Variants in DOCK9 observed in about 807,000 individuals in gnomAD.
DOCK9 encodes dedicator of cytokinesis 9, also known as dedicator of cytokinesis protein 9.
Under a neutral mutation model 263.3 loss-of-function variants are expected in DOCK9, and 89 were observed. The ratio of observed to expected loss-of-function variants is 0.34; its 90% CI spans 0.28 to 0.40. The LOEUF is 0.40. Ranked by LOEUF, DOCK9 falls within the 10% of genes least tolerant of loss-of-function variation. The pLI, the probability that DOCK9 is intolerant of heterozygous loss-of-function variation, is 1.00. For missense variants in DOCK9, 2,140 were observed against 2,603.4 expected (o/e 0.82, Z 3.87); for synonymous variants, 976 against 973.1 (o/e 1.00, Z -0.06).
At chr13:98,870,498 G>C (rs1468033398) in intron 27 of DOCK9, among the ~76,000 whole-genome samples, 1 of 152,102 alleles carries the variant, frequency 6.6e-6, no homozygotes. Flanking sequence ...ACCCAAGCTG[G>C]CCACTCCTGA....
intron 1 of DOCK9, among the ~76,000 whole-genome samples, chr13:99,045,180 C>G (rs1018712465): frequency 6.6e-6 from 1 of 152,186 alleles, no homozygotes; most frequent in Non-Finnish European, 1.5e-5. Context: ...AAAATGAAAT[C>G]GCTGTGTCAA....
intron 1 of DOCK9, among the ~76,000 whole-genome samples, chr13:98,960,762 A>G (rs541717859): frequency 1.3e-5 from 2 of 152,308 alleles, no homozygotes; most frequent in African/African-American, 4.8e-5. Context: ...AGGAGCAGGG[A>G]CCAACTACCT....
intron 18 of DOCK9, among the ~76,000 whole-genome samples, chr13:98,887,143 A>ATATATATATATATATATTT (rs1470080750): frequency 1.0e-5 from 1 of 95,292 alleles, no homozygotes; most frequent in Non-Finnish European, 2.0e-5. Context: ...ATATATATAT[A>ATATATATATATATATATTT]TTTTTTTTTT....
chr13:99,009,169 T>C (rs36126435), intron 1 of DOCK9, among the ~76,000 whole-genome samples: 13,690 of 152,184 alleles, frequency 0.09, 758 homozygotes, highest in African/African-American at 0.16. Context: ...TTTAACAAAG[T>C]TCTGGGGAAA....
chr13:98,799,601 A>G (rs9582263), intron 50 of DOCK9, among the ~76,000 whole-genome samples: 3,881 of 152,292 alleles, frequency 0.025, 169 homozygotes, highest in African/African-American at 0.088. Context: ...TAGTATCTAG[A>G]TCAAAGATGA....
intron 1 of DOCK9, among the ~76,000 whole-genome samples, chr13:99,048,356 T>C (rs1226274500): frequency 6.6e-6 from 1 of 152,224 alleles, no homozygotes; most frequent in Non-Finnish European, 1.5e-5. Context: ...CCTCTGCTAC[T>C]GCTCATCTTC....
intron 2 of DOCK9, among the ~76,000 whole-genome samples, chr13:98,931,995 G>A (rs2054026594): frequency 6.6e-6 from 1 of 152,098 alleles, no homozygotes; most frequent in South Asian, 2.1e-4. Flanking sequence ...CCAAAGTGCT[G>A]AGATTACAGG....
intron 39 of DOCK9, 167 bp from the exon 40 acceptor site, chr13:98,831,953 A>C (rs191863750): frequency 1.8e-4 from 141 of 786,058 alleles, no homozygotes; most frequent in South Asian, 8.0e-4. Context: ...TTGTAGAACA[A>C]GCAAATCTAT....
intron 9 of DOCK9, among the ~76,000 whole-genome samples, chr13:98,907,008 T>C (rs1401204185): frequency 6.6e-6 from 1 of 152,228 alleles, no homozygotes; most frequent in Non-Finnish European, 1.5e-5. Context: ...CTTCTGTTTA[T>C]GCTTCCAGGG....
intron 1 of DOCK9, among the ~76,000 whole-genome samples, chr13:99,074,776 T>A (rs975316360): frequency 2.0e-5 from 3 of 152,228 alleles, no homozygotes; most frequent in Non-Finnish European, 4.4e-5. Flanking sequence ...GAACCTTTGC[T>A]CCTGAGTTGC....
intron 23 of DOCK9, 147 bp from the exon 24 acceptor site, chr13:98,882,154 G>A (rs967871866): frequency 4.4e-6 from 3 of 688,278 alleles, no homozygotes; most frequent in Non-Finnish European, 7.6e-6. Context: ...AGAGGCGTCT[G>A]TGTCTTAGTC....
intron 52 of DOCK9, 119 bp downstream of exon 52, chr13:98,796,996 T>C: frequency 2.8e-6 from 3 of 1,075,920 alleles, no homozygotes; most frequent in South Asian, 2.9e-5. Flanking sequence ...TGTGGTATGC[T>C]ACATTCTCCT....
chr13:98,886,456 T>TG, intron 19 of DOCK9, 76 bp downstream of exon 19: 1 of 1,201,530 alleles, frequency 8.3e-7, no homozygotes, highest in Non-Finnish European at 1.2e-6. Flanking sequence ...TCTTGAATTT[T>TG]CCTTTACCAG....
chr13:98,807,875 T>A, intron 47 of DOCK9, 68 bp from the exon 48 acceptor site: 2 of 1,318,164 alleles, frequency 1.5e-6, no homozygotes, highest in South Asian at 2.1e-5. Context: ...TAGGAAGCGT[T>A]CTTTTATTAC....
At chr13:98,833,475 T>C (rs193137474) in intron 39 of DOCK9, among the ~76,000 whole-genome samples, 9 of 152,310 alleles carry the variant, frequency 5.9e-5, no homozygotes, top group Admixed American at 4.6e-4. Flanking sequence ...ATGTTTCTAA[T>C]GTTTCTCCAC....
chr13:98,794,922 T>C (rs1476906500), intron 52 of DOCK9, among the ~76,000 whole-genome samples, 174 bp from the exon 53 acceptor site: 1 of 152,230 alleles, frequency 6.6e-6, no homozygotes, highest in Non-Finnish European at 1.5e-5. Context: ...CAGATATTTC[T>C]CAATGTGTTG....
intron 15 of DOCK9, among the ~76,000 whole-genome samples, chr13:98,892,022 T>A (rs1328631931): frequency 6.6e-6 from 1 of 152,208 alleles, no homozygotes; most frequent in Non-Finnish European, 1.5e-5. Context: ...AGTTTTGGTT[T>A]TTTTGCTTTG....
chr13:99,038,286 CCCTTTTTTTTTTTTTTTTTTTTT>C (rs1466663209), intron 1 of DOCK9, among the ~76,000 whole-genome samples: 2 of 75,828 alleles, frequency 2.6e-5, no homozygotes, highest in Non-Finnish European at 4.9e-5. Flanking sequence ...CTTTATGCCC[CCCTTTTTTTTTTTTTTTTTTTTT>C]TTTTTTTTTT....
intron 2 of DOCK9, among the ~76,000 whole-genome samples, chr13:98,943,393 G>A (rs1328271025): frequency 6.6e-6 from 1 of 152,208 alleles, no homozygotes; most frequent in Non-Finnish European, 1.5e-5. Context: ...GAAAAAGGCA[G>A]AGATACAGAC....
Sources: gnomAD v4.1 joint callset for allele counts (sites outside exome capture counted in the v4.1 genomes callset) on GRCh38, gnomAD v4.1.1 for gene constraint, MANE v1.5 for transcripts, NCBI Gene and HGNC (gene_info 2026-07-23, HGNC 2026-07-21) for gene names.